The following EFCAB5 variants were observed in gnomAD, a reference collection of about 807,000 sequenced individuals.
The protein encoded by EFCAB5 is EF-hand calcium-binding domain-containing protein 5.
A neutral mutation model predicts 167.9 loss-of-function variants in EFCAB5; 131 were observed. That is an observed-to-expected ratio of 0.78 (90% CI 0.68 to 0.90). The LOEUF is 0.90. EFCAB5 is among the 40% of genes least tolerant of loss of function. The probability of loss-of-function intolerance (pLI) is 0.00; values close to 1 mark genes in which losing one functional copy is unlikely to be tolerated. For synonymous variants in EFCAB5, 574 were observed against 602.8 expected, an observed-to-expected ratio of 0.95 and a Z score of 0.70; for missense variants, 1,663 against 1,745.2, an observed-to-expected ratio of 0.95 and a Z score of 0.84.
intron 21 of EFCAB5, 48 bp downstream of exon 21, chr17:30,092,205 AC>A: frequency 6.5e-7 from 1 of 1,538,130 alleles, no homozygotes; most frequent in African/African-American, 1.4e-5. Context: ...AATCGCCTAA[AC>A]AAATTTAACT....
At chr17:30,017,819 T>C (rs1018745064) in intron 7 of EFCAB5, among the ~76,000 whole-genome samples, 2 of 152,188 alleles carry the variant, frequency 1.3e-5, no homozygotes, top group Admixed American at 1.3e-4. Flanking sequence ...TTTTATTTTA[T>C]CCAGATTTAC....
At chr17:29,930,458 G>T (rs1423860710) in intron 1 of EFCAB5, among the ~76,000 whole-genome samples, 1 of 152,116 alleles carries the variant, frequency 6.6e-6, no homozygotes, top group African/African-American at 2.4e-5. Flanking sequence ...CCCGGTGAGG[G>T]GTCCCAGGGC....
intron 22 of EFCAB5, among the ~76,000 whole-genome samples, chr17:30,097,423 T>C (rs543671383): frequency 2.0e-5 from 3 of 152,226 alleles, no homozygotes; most frequent in Non-Finnish European, 4.4e-5. Flanking sequence ...CACTAGCCCA[T>C]ATCTTCTCTT....
intron 22 of EFCAB5, among the ~76,000 whole-genome samples, chr17:30,095,874 T>C (rs1224707480): frequency 6.6e-6 from 1 of 152,238 alleles, no homozygotes; most frequent in Non-Finnish European, 1.5e-5. Flanking sequence ...TCATCTTGAA[T>C]GGGAATTGTT....
chr17:29,988,023 A>G (rs2068326405), intron 4 of EFCAB5, among the ~76,000 whole-genome samples: 1 of 152,342 alleles, frequency 6.6e-6, no homozygotes, highest in South Asian at 2.1e-4. Context: ...GGAATGCACC[A>G]TTTGGCAAGT....
At chr17:29,979,082 T>C (rs1300828945) in intron 4 of EFCAB5, among the ~76,000 whole-genome samples, 2 of 152,156 alleles carry the variant, frequency 1.3e-5, no homozygotes, top group Non-Finnish European at 2.9e-5. Flanking sequence ...CTGGGCACGG[T>C]GGCTCACGCC....
intron 8 of EFCAB5, among the ~76,000 whole-genome samples, chr17:30,048,829 G>A (rs1183004731): frequency 1.3e-5 from 2 of 152,050 alleles, no homozygotes; most frequent in Non-Finnish European, 2.9e-5. Context: ...CTATTTACAT[G>A]GCTATTCCAG....
At chr17:30,066,527 A>G (rs2070576682) in intron 14 of EFCAB5, among the ~76,000 whole-genome samples, 1 of 152,172 alleles carries the variant, frequency 6.6e-6, no homozygotes, top group Admixed American at 6.5e-5. Flanking sequence ...AGCAGTATTG[A>G]AAGAGAAGTT....
In EFCAB5 at chr17:30,051,221, A is replaced by G; in HGVS notation, c.1300+4A>G. 6.2e-7 allele frequency: 1 copy of G among 1,613,640 alleles called. No individual in the cohort carries two copies. Among genetic ancestry groups the G allele is most frequent in the Non-Finnish European group, 8.5e-7 (1 of 1,179,596 alleles). On this transcript the variant is annotated splice_donor_region_variant and intron_variant, in intron 9 of 22. Coordinates refer to ENST00000394835, the MANE Select transcript of EFCAB5 (RefSeq NM_198529.4). ...TTACTTCGAAACCCACGACAATGTA[A>G]GTGCCGCTCAGAGGGAGTATGTTCA...
At chr17:30,067,318 A>G (rs1189288412) in intron 14 of EFCAB5, among the ~76,000 whole-genome samples, 2 of 152,180 alleles carry the variant, frequency 1.3e-5, no homozygotes, top group East Asian at 3.8e-4. Context: ...TCATTCACAC[A>G]GAGAATAAAA....
intron 18 of EFCAB5, among the ~76,000 whole-genome samples, chr17:30,084,724 C>A (rs2071053868): frequency 1.3e-5 from 2 of 152,202 alleles, no homozygotes; most frequent in Non-Finnish European, 2.9e-5. Context: ...CTTCTCCAGG[C>A]TGCTCTGTGT....
intron 4 of EFCAB5, among the ~76,000 whole-genome samples, chr17:29,982,537 T>C (rs911894479): frequency 6.6e-6 from 1 of 152,198 alleles, no homozygotes; most frequent in Non-Finnish European, 1.5e-5. Context: ...CTGAATGGTA[T>C]GTGGAAGGGG....
At chr17:30,035,520 C>A (rs1287915589) in intron 8 of EFCAB5, among the ~76,000 whole-genome samples, 1 of 152,128 alleles carries the variant, frequency 6.6e-6, no homozygotes, top group African/African-American at 2.4e-5. Context: ...GAAAACCATA[C>A]AAATTTAGTT....
intron 4 of EFCAB5, among the ~76,000 whole-genome samples, chr17:29,977,861 G>A (rs150781234): frequency 6.1e-4 from 93 of 152,280 alleles, no homozygotes; most frequent in Middle Eastern, 3.4e-3. Flanking sequence ...ATATTAAGTC[G>A]TGTAGTGTTC....
intron 1 of EFCAB5, among the ~76,000 whole-genome samples, chr17:29,930,719 T>A (rs1364533397): frequency 6.6e-6 from 1 of 152,124 alleles, no homozygotes; most frequent in Non-Finnish European, 1.5e-5. Flanking sequence ...CTTCCGTCTA[T>A]GTTTTATGAT....
At chr17:29,934,818 A>C (rs1360352825) in intron 1 of EFCAB5, among the ~76,000 whole-genome samples, 1 of 152,122 alleles carries the variant, frequency 6.6e-6, no homozygotes, top group Non-Finnish European at 1.5e-5. Flanking sequence ...GCTGCTGAGA[A>C]TCTCTAGATC....
At chr17:29,948,686 C>T (rs542220302) in intron 3 of EFCAB5, among the ~76,000 whole-genome samples, 1 of 152,284 alleles carries the variant, frequency 6.6e-6, no homozygotes, top group South Asian at 2.1e-4. Flanking sequence ...AAATACATAT[C>T]GTTGCATAGA....
Position 30,090,413 on chromosome 17 carries a change from G to T in EFCAB5, c.3684-8G>T. 1 of 1,609,238 alleles carries T rather than the reference G, an allele frequency of 6.2e-7. No homozygotes were observed. The highest frequency in any genetic ancestry group is 1.1e-5 in the South Asian group (1 of 90,238). ...AATATCCTTGTGCTTATTTGGTTTT[G>T]ATTTCAGAGATTTCCTCTTTAAATG... On this transcript the variant is annotated splice_region_variant and splice_polypyrimidine_tract_variant and intron_variant, in intron 19 of 22. Coordinates refer to ENST00000394835, the MANE Select transcript of EFCAB5 (RefSeq NM_198529.4).
intron 14 of EFCAB5, among the ~76,000 whole-genome samples, chr17:30,067,329 G>A (rs559347326): frequency 5.3e-5 from 8 of 152,218 alleles, no homozygotes; most frequent in Admixed American, 5.2e-4. Context: ...GAGAATAAAA[G>A]AAAGGCTGGG....
Sources: allele counts gnomAD v4.1 joint callset (sites outside exome capture counted in the v4.1 genomes callset), GRCh38; gene constraint gnomAD v4.1.1; transcripts MANE v1.5; gene names NCBI Gene and HGNC (gene_info 2026-07-23, HGNC 2026-07-21).